Variants in SYAP1 observed in about 807,000 individuals in gnomAD.
SYAP1 encodes synapse-associated protein 1.
A neutral mutation model predicts 29.6 loss-of-function variants in SYAP1; 3 were observed. The ratio of observed to expected loss-of-function variants is 0.10; its 90% CI spans 0.05 to 0.26. SYAP1 has a LOEUF of 0.26. Among genes scored for constraint, SYAP1 ranks in the 10% least tolerant of loss-of-function variants. SYAP1 has a pLI of 1.00. For synonymous variants in SYAP1, 102 were observed against 102.7 expected, an observed-to-expected ratio of 0.99 and a Z score of 0.04; for missense variants, 217 against 264.1, an observed-to-expected ratio of 0.82 and a Z score of 1.24.
intron 3 of SYAP1, among the ~76,000 whole-genome samples, chrX:16,740,737 A>G (rs1926441305): frequency 9.0e-6 from 1 of 111,224 alleles, no homozygotes; most frequent in Non-Finnish European, 1.9e-5. Context: ...TAATCATAGT[A>G]TAGTTAACGG....
intron 7 of SYAP1, 90 bp from the exon 8 acceptor site, chrX:16,757,072 C>T (rs1273316034): frequency 1.9e-6 from 2 of 1,037,488 alleles, no homozygotes; most frequent in Non-Finnish European, 2.6e-6. Context: ...ATAAAAATAG[C>T]ACGGCATTAA....
At chrX:16,720,049 G>A (rs765770443) in intron 1 of SYAP1, 150 bp downstream of exon 1, 27 of 558,154 alleles carry the variant, frequency 4.8e-5, no homozygotes, top group African/African-American at 4.5e-4. Context: ...GTCCTCTCCG[G>A]GTCGGGAGAG....
chrX:16,727,342 T>G (rs1480003047), intron 1 of SYAP1, among the ~76,000 whole-genome samples: 1 of 76,331 alleles, frequency 1.3e-5, no homozygotes, highest in Non-Finnish European at 2.3e-5. Flanking sequence ...GAGATAAGAC[T>G]TTTTTTTTTT....
intron 3 of SYAP1, 28 bp from the exon 4 acceptor site, chrX:16,741,683 CTCTTT>C: frequency 3.6e-6 from 4 of 1,105,811 alleles, no homozygotes; most frequent in Non-Finnish European, 4.9e-6. Context: ...CTATTTTTTT[CTCTTT>C]TCTTCTTTGC....
At chrX:16,737,029 A>G (rs775087353) in intron 3 of SYAP1, among the ~76,000 whole-genome samples, 1 of 112,034 alleles carries the variant, frequency 8.9e-6, no homozygotes, top group East Asian at 2.8e-4. Flanking sequence ...CTCTGAAGTT[A>G]TAAGGCCTCA....
rs139404462 is a variant in SYAP1 at position 16,733,669 on chromosome X, C to CT, written c.176-1543dup. 6.6e-3 allele frequency among the ~76,000 whole-genome samples: 658 copies of CT among 99,855 alleles called. 2 individuals carry two copies. Among genetic ancestry groups the CT allele is most frequent in the Non-Finnish European group, 9.7e-3 (475 of 48,855 alleles). 86.7% of individuals were successfully genotyped at this position (99,855 alleles called of 115,157 possible). A position where few individuals can be genotyped will look rare whatever the true frequency, so the allele number is the denominator to read the frequency against. On this transcript the variant is annotated intron_variant, in intron 1 of 8. Coordinates refer to ENST00000380155, the MANE Select transcript of SYAP1 (RefSeq NM_032796.4). ...AATGATATTTGTCTACAAATTAGCC[C>CT]TTTTTTTTTTTTTTTAGACGGAGTC...
intron 5 of SYAP1, among the ~76,000 whole-genome samples, chrX:16,746,778 G>C (rs1156897178): frequency 9.0e-5 from 10 of 110,650 alleles, no homozygotes; most frequent in Admixed American, 4.9e-4. Flanking sequence ...AGTAGAGACA[G>C]GGTTTCGCCA....
intron 5 of SYAP1, among the ~76,000 whole-genome samples, chrX:16,754,178 G>A (rs1161376551): frequency 8.9e-6 from 1 of 111,899 alleles, no homozygotes; most frequent in Non-Finnish European, 1.9e-5. Context: ...CAGCCACAAT[G>A]CTTGCTTCTC....
rs1275234705 is a variant in SYAP1 at position 16,719,857 on chromosome X, G to A, written c.133G>A (p.Ala45Thr). Residue 45 changes from alanine to threonine, a missense_variant, in exon 1 of 9, where the codon GCG (alanine) becomes ACG (threonine). Coordinates refer to ENST00000380155, the MANE Select transcript of SYAP1 (RefSeq NM_032796.4). ...AESAEEELQQAGDQELLHQAK... is the reference protein window; with the variant it reads ...AESAEEELQQTGDQELLHQAK... ...GTCTGCGGAGGAGGAGCTGCAGCAA[G>A]CGGGAGACCAGGAGCTCCTCCACCA... 8.4e-7 allele frequency: 1 copy of A among 1,195,823 alleles called. No individual in the cohort carries two copies.
chrX:16,723,938 C>T (rs375757119), intron 1 of SYAP1, among the ~76,000 whole-genome samples: 3 of 112,003 alleles, frequency 2.7e-5, no homozygotes, highest in South Asian at 7.4e-4. Flanking sequence ...GTTCCCTACA[C>T]TACTTACTGT....
At chrX:16,750,285 G>A (rs1926701553) in intron 5 of SYAP1, among the ~76,000 whole-genome samples, 1 of 111,899 alleles carries the variant, frequency 8.9e-6, no homozygotes, top group African/African-American at 3.2e-5. Flanking sequence ...AGCTAAACTC[G>A]TGGTCAACTA....
At chrX:16,729,421 C>T (rs1465321684) in intron 1 of SYAP1, among the ~76,000 whole-genome samples, 1 of 109,785 alleles carries the variant, frequency 9.1e-6, no homozygotes, top group Non-Finnish European at 1.9e-5. Context: ...TTATAATTTT[C>T]GTTGAAGAGC....
intron 1 of SYAP1, 95 bp downstream of exon 1, chrX:16,719,994 G>A (rs754358474): frequency 2.2e-6 from 2 of 924,054 alleles, no homozygotes; most frequent in African/African-American, 4.1e-5. Flanking sequence ...GGGGGATGAG[G>A]GGGCCGAGGT....
Position 16,757,161 on chromosome X carries a change from GGAT to G in SYAP1, c.786_788del (p.Asp262del), listed in dbSNP as rs1228432490. 1 of 1,210,656 alleles carries G rather than the reference GGAT, an allele frequency of 8.3e-7. No homozygotes were observed. The highest frequency in any genetic ancestry group is 2.3e-4 in the Middle Eastern group (1 of 4,351). ...TCAAGAGCTCATTTGTTGCATTTCA[GGAT>G]GAGGAAGAAATTTCTACTAGCCCAG... On this transcript the variant is annotated inframe_deletion and splice_region_variant, in exon 8 of 9. Coordinates refer to ENST00000380155, the MANE Select transcript of SYAP1 (RefSeq NM_032796.4).
chrX:16,743,678 GT>G (rs763062414), intron 4 of SYAP1, 22 bp from the exon 5 acceptor site: 6 of 1,201,380 alleles, frequency 5.0e-6, no homozygotes, highest in South Asian at 1.8e-5. Context: ...AATACCCTGT[GT>G]TTTTTTCTTT....
chrX:16,732,604 CTCAG>C (rs1926234018), intron 1 of SYAP1, among the ~76,000 whole-genome samples: 1 of 111,829 alleles, frequency 8.9e-6, no homozygotes, highest in Non-Finnish European at 1.9e-5. Context: ...AACTTAACCA[CTCAG>C]TCAGTACTGA....
At chrX:16,738,931 G>T (rs376136549) in intron 3 of SYAP1, among the ~76,000 whole-genome samples, 5 of 111,894 alleles carry the variant, frequency 4.5e-5, no homozygotes, top group African/African-American at 1.6e-4. Context: ...CTGGCCTAGA[G>T]AGAAGAGAAC....
At chrX:16,742,698 C>G (rs1223622766) in intron 4 of SYAP1, among the ~76,000 whole-genome samples, 1 of 112,422 alleles carries the variant, frequency 8.9e-6, no homozygotes, top group Non-Finnish European at 1.9e-5. Context: ...CTCACTGCAG[C>G]CTTGAACTGG....
rs1926864367 is a variant in SYAP1 at position 16,757,327 on chromosome X, T to C, written c.931+18T>C. The C allele has an allele frequency of 1.7e-6, 2 of 1,186,368 alleles. No individual in the cohort carries two copies. Among genetic ancestry groups the C allele is most frequent in the African/African-American group, 3.6e-5 (2 of 55,971 alleles). On this transcript the variant is annotated intron_variant, in intron 8 of 8. Transcript: ENST00000380155. ...ACTGGAAGGTAAAAAACAAAACAAA[T>C]CAAAGCAAAGAAACTATTCGTCTCC...
Sources: allele counts gnomAD v4.1 joint callset (sites outside exome capture counted in the v4.1 genomes callset), GRCh38; gene constraint gnomAD v4.1.1; transcripts MANE v1.5; gene names NCBI Gene and HGNC (gene_info 2026-07-23, HGNC 2026-07-21).